The following RIMS1 variants were observed in gnomAD, a reference collection of about 807,000 sequenced individuals.
The protein encoded by RIMS1 is regulating synaptic membrane exocytosis protein 1.
Under a neutral mutation model 214.1 loss-of-function variants are expected in RIMS1, and 83 were observed. That is an observed-to-expected ratio of 0.39 (90% CI 0.32 to 0.47). The LOEUF (loss-of-function observed/expected upper bound fraction) is 0.47, where lower values mean the gene tolerates loss of function less well. Among genes scored for constraint, RIMS1 ranks in the 20% least tolerant of loss-of-function variants. The pLI is 0.99. For synonymous variants in RIMS1, 793 were observed against 786.8 expected, an observed-to-expected ratio of 1.01 and a Z score of -0.13; for missense variants, 2,050 against 2,161.8, an observed-to-expected ratio of 0.95 and a Z score of 1.03.
At chr6:72,257,865 T>A (rs1032216387) in intron 16 of RIMS1, among the ~76,000 whole-genome samples, 3 of 152,194 alleles carry the variant, frequency 2.0e-5, no homozygotes, top group Non-Finnish European at 4.4e-5. Flanking sequence ...CATCGTAATG[T>A]CTGAGGCATC....
intron 2 of RIMS1, among the ~76,000 whole-genome samples, chr6:71,973,853 T>A (rs1334782310): frequency 1.3e-5 from 2 of 151,738 alleles, no homozygotes; most frequent in Admixed American, 6.6e-5. Context: ...AGAGAGAGAG[T>A]GAGGGACTCA....
At chr6:72,042,233 T>C (rs922198222) in intron 2 of RIMS1, among the ~76,000 whole-genome samples, 1 of 151,880 alleles carries the variant, frequency 6.6e-6, no homozygotes, top group African/African-American at 2.4e-5. Flanking sequence ...AAGAGGTCTC[T>C]GCTGCACACT....
intron 29 of RIMS1, among the ~76,000 whole-genome samples, chr6:72,383,049 A>G (rs1294756401): frequency 6.6e-6 from 1 of 152,164 alleles, no homozygotes; most frequent in African/African-American, 2.4e-5. Context: ...TGAAACAAAG[A>G]AGAAGATTTG....
intron 28 of RIMS1, 73 bp from the exon 29 acceptor site, chr6:72,333,527 A>G (rs1472990790): frequency 1.7e-6 from 2 of 1,209,976 alleles, no homozygotes; most frequent in Non-Finnish European, 2.4e-6. Flanking sequence ...TTCAAAATAA[A>G]TTAGATTTAG....
intron 4 of RIMS1, among the ~76,000 whole-genome samples, chr6:72,170,398 C>G (rs1002486277): frequency 3.3e-5 from 5 of 152,112 alleles, no homozygotes; most frequent in African/African-American, 1.2e-4. Context: ...GGCTGGCATG[C>G]AAGGGTGCAA....
chr6:72,282,115 T>C (rs2090415312), intron 23 of RIMS1, among the ~76,000 whole-genome samples: 1 of 152,134 alleles, frequency 6.6e-6, no homozygotes, highest in Non-Finnish European at 1.5e-5. Context: ...TCATCTGCTC[T>C]ACTTGTGCTG....
intron 6 of RIMS1, among the ~76,000 whole-genome samples, chr6:72,203,804 C>T (rs1183090400): frequency 1.3e-5 from 2 of 152,144 alleles, no homozygotes; most frequent in Non-Finnish European, 2.9e-5. Context: ...TGCTAGTATT[C>T]AGGTCCCAAG....
chr6:72,136,984 G>C (rs1196433951), intron 4 of RIMS1, among the ~76,000 whole-genome samples: 1 of 151,896 alleles, frequency 6.6e-6, no homozygotes, highest in Non-Finnish European at 1.5e-5. Context: ...ACATAGTCTT[G>C]GATGTTTTAG....
chr6:72,212,169 G>A (rs1159660287), intron 6 of RIMS1, among the ~76,000 whole-genome samples: 1 of 151,902 alleles, frequency 6.6e-6, no homozygotes, highest in East Asian at 1.9e-4. Context: ...TAGTTTGTTT[G>A]TTTTAGTGAA....
At chr6:72,260,105 T>C (rs972763133) in intron 18 of RIMS1, among the ~76,000 whole-genome samples, 12 of 152,146 alleles carry the variant, frequency 7.9e-5, no homozygotes, top group African/African-American at 2.9e-4. Context: ...AACATTCATT[T>C]GGGCCACCAT....
intron 1 of RIMS1, among the ~76,000 whole-genome samples, chr6:71,906,287 C>T (rs944175576): frequency 6.6e-6 from 1 of 152,100 alleles, no homozygotes; most frequent in Admixed American, 6.6e-5. Flanking sequence ...TAGTGTTGAG[C>T]AAATTCTCCT....
At chr6:71,923,646 A>C (rs887470947) in intron 1 of RIMS1, among the ~76,000 whole-genome samples, 32 of 151,740 alleles carry the variant, frequency 2.1e-4, no homozygotes, top group African/African-American at 7.7e-4. Flanking sequence ...GGCTCACCGC[A>C]ATCACAGCCT....
At chr6:72,395,469 T>C (rs980088961) in intron 31 of RIMS1, among the ~76,000 whole-genome samples, 1 of 151,976 alleles carries the variant, frequency 6.6e-6, no homozygotes, top group African/African-American at 2.4e-5. Flanking sequence ...CAGTAGAAAT[T>C]ATAGAATTGA....
intron 2 of RIMS1, among the ~76,000 whole-genome samples, chr6:72,083,349 G>A (rs1215181637): frequency 6.6e-6 from 1 of 151,146 alleles, no homozygotes; most frequent in Non-Finnish European, 1.5e-5. Context: ...TGTTTGTTGT[G>A]AATCAGCAAT....
intron 4 of RIMS1, among the ~76,000 whole-genome samples, chr6:72,121,274 C>T (rs1317994578): frequency 6.6e-6 from 1 of 151,836 alleles, no homozygotes; most frequent in Admixed American, 6.6e-5. Context: ...TTGATTCTTC[C>T]TACCCATGAG....
intron 4 of RIMS1, among the ~76,000 whole-genome samples, chr6:72,171,316 A>T (rs1455706740): frequency 1.3e-5 from 2 of 149,628 alleles, no homozygotes; most frequent in Non-Finnish European, 3.0e-5. Flanking sequence ...TAATACATAT[A>T]CATACATATA....
chr6:72,372,444 A>G (rs1370074658), intron 29 of RIMS1, among the ~76,000 whole-genome samples: 1 of 152,206 alleles, frequency 6.6e-6, no homozygotes, highest in African/African-American at 2.4e-5. Flanking sequence ...AGCAAATGGT[A>G]GGTGAAACAT....
At chr6:71,902,520 G>A (rs1277929721) in intron 1 of RIMS1, among the ~76,000 whole-genome samples, 8 of 152,004 alleles carry the variant, frequency 5.3e-5, no homozygotes, top group Non-Finnish European at 1.5e-5. Flanking sequence ...CTATGTATGT[G>A]ATCTTTCTTT....
chr6:72,377,245 G>A lies in RIMS1; in HGVS notation c.4367-13353G>A, dbSNP rs573682049. On this transcript the variant is annotated intron_variant, in intron 29 of 33. Transcript: ENST00000521978. The stretch of plus-strand genomic sequence containing the variant: ...TCCGTCCTGTACCTTGAGTGTCCTT[G>A]CGCACGTGTTCAAGCTGTGTCCACT... Among the ~76,000 whole-genome samples the A allele has an allele frequency of 2.6e-5, 4 of 152,194 alleles. No homozygotes were observed. In the South Asian group the frequency reaches 8.3e-4, roughly 32 times the overall value.
Sources: gnomAD v4.1 joint callset for allele counts (sites outside exome capture counted in the v4.1 genomes callset) on GRCh38, gnomAD v4.1.1 for gene constraint, MANE v1.5 for transcripts, NCBI Gene and HGNC (gene_info 2026-07-23, HGNC 2026-07-21) for gene names.